Variants in CALHM6 observed in about 807,000 individuals in gnomAD.
The protein encoded by CALHM6 is calcium homeostasis modulator family member 6, also known as calcium homeostasis modulator protein 6.
In CALHM6, 15 loss-of-function variants were observed where a neutral mutation model predicts 12.7. That is an observed-to-expected ratio of 1.18 (90% CI 0.79 to 1.82). The LOEUF is 1.82. Among genes scored for constraint, CALHM6 ranks in the 40% most tolerant of loss-of-function variants. The probability of loss-of-function intolerance (pLI) is 0.00; values close to 1 mark genes in which losing one functional copy is unlikely to be tolerated. For synonymous variants in CALHM6, 212 were observed against 193.7 expected (o/e 1.09, Z -0.78); for missense variants, 434 against 421.0 (o/e 1.03, Z -0.27).
In CALHM6 at chr6:116,462,210, G is replaced by A. The variant is rs889508770; in HGVS notation, c.281G>A (p.Arg94His). 4.0e-6 allele frequency: 6 copies of A among 1,485,640 alleles called. No homozygotes were observed. In the African/African-American group the frequency reaches 4.3e-5, roughly 11 times the overall value. The allele number at this position is 1,485,640 out of a possible 1,614,324, so 92.0% of individuals were successfully genotyped here. ...SARASCGSALRGSLVCTQISA... is the reference protein window; with the variant it reads ...SARASCGSALHGSLVCTQISA... ...CGCGCGAGTTGCGGATCGGCGCTGCGCGGCTCCCTGGTGTGCACGCAAATC... is the reference window on the plus strand; with the variant it reads ...CGCGCGAGTTGCGGATCGGCGCTGCACGGCTCCCTGGTGTGCACGCAAATC... Residue 94 changes from arginine to histidine, a missense_variant, in exon 2 of 3, where the codon CGC (arginine) becomes CAC (histidine). Physicochemically the swap from Arg to His is conservative, Grantham distance 29. Coordinates refer to ENST00000368605, the MANE Select transcript of CALHM6 (RefSeq NM_001010919.3).
In CALHM6 at chr6:116,462,036, C is replaced by A. The variant is rs771370967; in HGVS notation, c.107C>A (p.Ala36Asp). Residue 36 changes from alanine to aspartate, a missense_variant, in exon 2 of 3, where the codon GCC becomes GAC. Ala to Asp is a moderately radical substitution (Grantham distance 126, BLOSUM62 -2). Transcript: ENST00000368605. ...GCGGGCGGGGAGCGCATCTTCTCCG[C>A]CGTGGCATTCCAGTGCCCGTGCAGC... The part of the protein sequence containing the change: ...LTAGGERIFS[A>D]VAFQCPCSAA... The A allele has an allele frequency of 1.9e-5, 29 of 1,548,456 alleles. No homozygotes were observed. The highest frequency in any genetic ancestry group is 2.3e-5 in the Non-Finnish European group (26 of 1,146,362).
intron 2 of CALHM6, 39 bp from the exon 3 acceptor site, chr6:116,463,244 C>T (rs985492407): frequency 6.5e-7 from 1 of 1,539,544 alleles, no homozygotes; most frequent in Non-Finnish European, 8.8e-7. Flanking sequence ...TTGTAAAAAA[C>T]CAAGTAACTA....
Position 116,463,436 on chromosome 6 carries a change from G to T in CALHM6, c.679G>T (p.Glu227Ter). 6.2e-7 allele frequency: 1 copy of T among 1,614,158 alleles called. No homozygotes were observed. The highest frequency in any genetic ancestry group is 1.3e-5 in the African/African-American group (1 of 75,070). Residue 227 changes from glutamate (E) to a stop codon, truncating the protein, a stop_gained, in exon 3 of 3, where the codon GAG (glutamate) becomes TAG (stop). Transcript: ENST00000368605. LOFTEE classifies it low-confidence loss of function (END_TRUNC). Reference protein sequence around the residue: ...EQQILKSKATEHATELAKENI... With the variant: ...EQQILKSKAT ...GCAGATCCTTAAAAGTAAAGCCACA[G>T]AGCATGCAACTGAATTGGCAAAAGA...
chr6:116,462,325 G>A lies in CALHM6; in HGVS notation c.396G>A (p.Ala132=). Residue 132 remains alanine, a synonymous_variant, in exon 2 of 3, where the codon GCG becomes GCA. Transcript: ENST00000368605. The part of the protein sequence containing the change: ...AFYECAATGS[A]AFAQRLCLGR... ...ACGAGTGCGCGGCCACCGGGAGCGC[G>A]GCCTTCGCGCAGCGCCTGTGCCTCG... 1 of 1,437,522 alleles carries A rather than the reference G, an allele frequency of 7.0e-7. No homozygotes were observed. The highest frequency in any genetic ancestry group is 9.1e-7 in the Non-Finnish European group (1 of 1,100,688). 89.0% of individuals were successfully genotyped at this position (1,437,522 alleles called of 1,614,324 possible).
In CALHM6 at chr6:116,463,373, C is replaced by A; in HGVS notation, c.616C>A (p.Gln206Lys). Reference protein sequence around the residue: ...TRCLSPVSFLQLKFWKIYLEQ... With the variant: ...TRCLSPVSFLKLKFWKIYLEQ... ...ATGCCTATCTCCAGTTAGTTTTCTG[C>A]AGCTGAAATTCTGGAAAATCTATTT... Residue 206 changes from glutamine (Q) to lysine (K), a missense_variant, in exon 3 of 3, where the codon CAG becomes AAG. Coordinates refer to ENST00000368605, the MANE Select transcript of CALHM6 (RefSeq NM_001010919.3). The A allele has an allele frequency of 6.2e-7, 1 of 1,614,082 alleles. No individual in the cohort carries two copies.
In CALHM6 at chr6:116,462,086, C is replaced by G. The variant is rs920788199; in HGVS notation, c.157C>G (p.Leu53Val). Reference sequence around the variant, plus strand: ...CGCCGCCTGGAACCTGCCCTACGGCCTGGTCTTCTTGCTGGTGCCGGCGCT... The same window carrying G: ...CGCCGCCTGGAACCTGCCCTACGGCGTGGTCTTCTTGCTGGTGCCGGCGCT... Reference protein sequence around the residue: ...CSAAWNLPYGLVFLLVPALAL... With the variant: ...CSAAWNLPYGVVFLLVPALAL... Residue 53 changes from leucine (L) to valine (V), a missense_variant, in exon 2 of 3, where the codon CTG (leucine) becomes GTG (valine). Physicochemically the swap from Leu to Val is conservative, Grantham distance 32. Coordinates refer to ENST00000368605, the MANE Select transcript of CALHM6 (RefSeq NM_001010919.3). 2 of 1,546,470 alleles carry G rather than the reference C, an allele frequency of 1.3e-6. No homozygotes were observed. The highest frequency in any genetic ancestry group is 1.7e-6 in the Non-Finnish European group (2 of 1,146,110).
In CALHM6 at chr6:116,461,698, G is replaced by C. The variant is rs547390685; in HGVS notation, c.-58-174G>C. Among the ~76,000 whole-genome samples, 390 of 151,700 alleles carry C rather than the reference G, an allele frequency of 2.6e-3. 1 individual carries two copies. The highest frequency in any genetic ancestry group is 3.4e-3 in the Non-Finnish European group (231 of 67,950). On this transcript the variant is annotated intron_variant, in intron 1 of 2. Coordinates refer to ENST00000368605, the MANE Select transcript of CALHM6 (RefSeq NM_001010919.3). ...GGGTGCCAGAGAAGTCAAGGTCCTG[G>C]GGGTGTTTGCTTGCCTGGTTCTGTT... is the stretch of plus-strand genomic sequence containing the variant.
chr6:116,462,497 C>T, intron 2 of CALHM6, 43 bp downstream of exon 2: 1 of 1,414,312 alleles, frequency 7.1e-7, no homozygotes, highest in Middle Eastern at 1.9e-4. Flanking sequence ...AGCCGAGAGG[C>T]CGAGCTTTCT....
rs2115128473 is a variant in CALHM6, at chr6:116,462,196, C to G, written c.267C>G (p.Cys89Trp). Residue 89 changes from cysteine (C) to tryptophan (W), a missense_variant, in exon 2 of 3, where the codon TGC becomes TGG. Coordinates refer to ENST00000368605, the MANE Select transcript of CALHM6 (RefSeq NM_001010919.3). ...TGCCSSARAS[C>W]GSALRGSLVC... ...GCTGCTCCAGCGCCCGCGCGAGTTG[C>G]GGATCGGCGCTGCGCGGCTCCCTGG... 2 of 1,506,152 alleles carry G rather than the reference C, an allele frequency of 1.3e-6. No individual in the cohort carries two copies. The highest frequency in any genetic ancestry group is 2.5e-5 in the South Asian group (2 of 80,722). 93.3% of individuals were successfully genotyped at this position (1,506,152 alleles called of 1,614,324 possible). A position where few individuals can be genotyped will look rare whatever the true frequency, so the allele number is the denominator to read the frequency against.
rs1324006645 is a variant in CALHM6, at chr6:116,462,309, C to G, written c.380C>G (p.Ala127Gly). The G allele has an allele frequency of 7.0e-7, 1 of 1,428,044 alleles. No individual in the cohort carries two copies. Among genetic ancestry groups the G allele is most frequent in the East Asian group, 3.0e-5 (1 of 33,122 alleles). 88.5% of individuals were successfully genotyped at this position (1,428,044 alleles called of 1,614,324 possible). A position where few individuals can be genotyped will look rare whatever the true frequency, so the allele number is the denominator to read the frequency against. Reference protein sequence around the residue: ...ALLGGAFYECAATGSAAFAQR... With the variant: ...ALLGGAFYECGATGSAAFAQR... ...CTCGGGGGCGCCTTTTACGAGTGCG[C>G]GGCCACCGGGAGCGCGGCCTTCGCG... The change falls in exon 2 of 3, where the codon GCG becomes GGG. Residue 127 changes from alanine (A) to glycine (G), a missense_variant. Ala to Gly is a moderately conservative substitution (Grantham distance 60). Transcript: ENST00000368605.
rs2016676 is a variant in CALHM6 at position 116,462,835 on chromosome 6, T to G, written c.525+381T>G. Among the ~76,000 whole-genome samples the G allele has an allele frequency of 6.5e-3, 982 of 152,240 alleles. 13 individuals are homozygous for G. The highest frequency in any genetic ancestry group is 0.022 in the African/African-American group (925 of 41,516). ...GTAATAGTTTCGTATCTCCCCTATA[T>G]AGTGACTTCACTGAGTCTAAGTAAA... On this transcript the variant is annotated intron_variant, in intron 2 of 2. Transcript: ENST00000368605.
Position 116,462,201 on chromosome 6 carries a change from C to A in CALHM6, c.272C>A (p.Ser91Ter). Residue 91 changes from serine (S) to a stop codon, truncating the protein, a stop_gained, in exon 2 of 3, where the codon TCG (serine) becomes TAG (stop). Coordinates refer to ENST00000368605, the MANE Select transcript of CALHM6 (RefSeq NM_001010919.3). LOFTEE classifies it high-confidence loss of function. ...CCSSARASCG[S>*]ALRGSLVCTQ... Reference sequence around the variant, plus strand: ...TCCAGCGCCCGCGCGAGTTGCGGATCGGCGCTGCGCGGCTCCCTGGTGTGC... The same window carrying A: ...TCCAGCGCCCGCGCGAGTTGCGGATAGGCGCTGCGCGGCTCCCTGGTGTGC... 1 of 1,490,856 alleles carries A rather than the reference C, an allele frequency of 6.7e-7. No homozygotes were observed. Among genetic ancestry groups the A allele is most frequent in the Non-Finnish European group, 8.9e-7 (1 of 1,124,060 alleles). The allele number at this position is 1,490,856 out of a possible 1,614,324, so 92.4% of individuals were successfully genotyped here. A position where few individuals can be genotyped will look rare whatever the true frequency, so the allele number is the denominator to read the frequency against.
chr6:116,462,907 G>A (rs548731366), intron 2 of CALHM6, among the ~76,000 whole-genome samples: 1 of 152,206 alleles, frequency 6.6e-6, no homozygotes, highest in African/African-American at 2.4e-5. Flanking sequence ...AATTAAAGGG[G>A]TCTATAGAAT....
chr6:116,462,795 G>GT (rs1291696951), intron 2 of CALHM6, among the ~76,000 whole-genome samples: 1 of 152,108 alleles, frequency 6.6e-6, no homozygotes, highest in Non-Finnish European at 1.5e-5. Context: ...CAAAATTGCG[G>GT]TTTTGCCATT....
rs1375726725 is a variant in CALHM6, at chr6:116,462,317, G to A, written c.388G>A (p.Gly130Arg). 5 of 1,434,256 alleles carry A rather than the reference G, an allele frequency of 3.5e-6. No homozygotes were observed. In the East Asian group the frequency reaches 1.2e-4, roughly 35 times the overall value. The allele number at this position is 1,434,256 out of a possible 1,614,324, so 88.8% of individuals were successfully genotyped here. A position where few individuals can be genotyped will look rare whatever the true frequency, so the allele number is the denominator to read the frequency against. The change falls in exon 2 of 3, where the codon GGG (glycine) becomes AGG (arginine). Residue 130 changes from glycine to arginine, a missense_variant. Gly to Arg is a moderately radical substitution (Grantham distance 125). Transcript: ENST00000368605. ...GGAFYECAAT[G>R]SAAFAQRLCL... ...CGCCTTTTACGAGTGCGCGGCCACC[G>A]GGAGCGCGGCCTTCGCGCAGCGCCT...
Position 116,462,135 on chromosome 6 carries a change from T to C in CALHM6, c.206T>C (p.Val69Ala). ...CTCGCGCTCTTCCTCCTGGGCTACGTGCTGAGCGCACGCACGTGGCGCCTG... is the reference window on the plus strand; with the variant it reads ...CTCGCGCTCTTCCTCCTGGGCTACGCGCTGAGCGCACGCACGTGGCGCCTG... ...PALALFLLGY[V>A]LSARTWRLLT... Residue 69 changes from valine (V) to alanine (A), a missense_variant, in exon 2 of 3, where the codon GTG becomes GCG. Val to Ala is a moderately conservative substitution (Grantham distance 64, BLOSUM62 0). Transcript: ENST00000368605. The C allele has an allele frequency of 6.5e-7, 1 of 1,534,388 alleles. No individual in the cohort carries two copies. The highest frequency in any genetic ancestry group is 8.8e-7 in the Non-Finnish European group (1 of 1,142,666).
Position 116,462,275 on chromosome 6 carries a change from G to A in CALHM6, c.346G>A (p.Val116Met). The change falls in exon 2 of 3, where the codon GTG becomes ATG. Residue 116 changes from valine (V) to methionine (M), a missense_variant. By Grantham distance (21) the Val-to-Met change is conservative. Coordinates refer to ENST00000368605, the MANE Select transcript of CALHM6 (RefSeq NM_001010919.3). ...AALAPLTWVA[V>M]ALLGGAFYEC... ...GCTCGCGCCCCTCACCTGGGTGGCC[G>A]TGGCGCTGCTCGGGGGCGCCTTTTA... 7.2e-7 allele frequency: 1 copy of A among 1,379,638 alleles called. No homozygotes were observed. Among genetic ancestry groups the A allele is most frequent in the Non-Finnish European group, 9.3e-7 (1 of 1,074,324 alleles). 85.5% of individuals were successfully genotyped at this position (1,379,638 alleles called of 1,614,324 possible). A position where few individuals can be genotyped will look rare whatever the true frequency, so the allele number is the denominator to read the frequency against.
intron 2 of CALHM6, 101 bp from the exon 3 acceptor site, chr6:116,463,179 TTCA>T: frequency 8.9e-7 from 1 of 1,123,240 alleles, no homozygotes; most frequent in Non-Finnish European, 1.3e-6. Context: ...CTGTTGCTTG[TTCA>T]TCATCATAAC....
rs989126960 is a variant in CALHM6 at position 116,462,052 on chromosome 6, C to A, written c.123C>A (p.Cys41Ter). Residue 41 changes from cysteine (C) to a stop codon, truncating the protein, a stop_gained, in exon 2 of 3, where the codon TGC (cysteine) becomes TGA (stop). Transcript: ENST00000368605. LOFTEE classifies it high-confidence loss of function. The stretch of plus-strand genomic sequence containing the variant: ...TCTTCTCCGCCGTGGCATTCCAGTG[C>A]CCGTGCAGCGCCGCCTGGAACCTGC... ...ERIFSAVAFQ[C>*]PCSAAWNLPY... 5 of 1,547,970 alleles carry A rather than the reference C, an allele frequency of 3.2e-6. No individual in the cohort carries two copies. The African/African-American group carries it at 5.5e-5, about 17-fold the overall frequency.
Sources: gnomAD v4.1 joint callset for allele counts (sites outside exome capture counted in the v4.1 genomes callset) on GRCh38, gnomAD v4.1.1 for gene constraint, MANE v1.5 for transcripts, NCBI Gene and HGNC (gene_info 2026-07-23, HGNC 2026-07-21) for gene names.